Variants in RBM6 observed in about 807,000 individuals in gnomAD.
RBM6 encodes RNA-binding protein 6.
RBM6 carries 23 observed loss-of-function variants against 140.4 expected under a neutral mutation model. The ratio of observed to expected loss-of-function variants is 0.16; its 90% CI spans 0.12 to 0.23. The LOEUF is 0.23. Ranked by LOEUF, RBM6 falls within the 10% of genes least tolerant of loss-of-function variation. The pLI, the probability that RBM6 is intolerant of heterozygous loss-of-function variation, is 1.00. For synonymous variants in RBM6, 439 were observed against 475.6 expected, an observed-to-expected ratio of 0.92 and a Z score of 1.00; for missense variants, 1,139 against 1,386.7, an observed-to-expected ratio of 0.82 and a Z score of 2.84.
At chr3:49,965,744 G>A (rs909014103) in intron 2 of RBM6, among the ~76,000 whole-genome samples, 3 of 152,160 alleles carry the variant, frequency 2.0e-5, no homozygotes, top group Non-Finnish European at 2.9e-5. Flanking sequence ...AGTGTTAATG[G>A]GGGTCAGTGG....
chr3:49,954,107 G>A (rs80037828), intron 1 of RBM6, among the ~76,000 whole-genome samples: 11,901 of 151,138 alleles, frequency 0.079, 522 homozygotes, highest in African/African-American at 0.1. Context: ...CTGCACTCCC[G>A]CTTGGGTGAC....
In RBM6 at chr3:50,070,476, A is replaced by C; in HGVS notation, c.3040A>C (p.Asn1014His). 6.2e-7 allele frequency: 1 copy of C among 1,613,942 alleles called. No individual in the cohort carries two copies. Among genetic ancestry groups the C allele is most frequent in the South Asian group, 1.1e-5 (1 of 91,082 alleles). ...EREGKFKGRG[N>H]DRREKLQSFD... is the part of the protein sequence containing the mutation. The stretch of plus-strand genomic sequence containing the variant: ...ACAGGGAAAGTTTAAAGGAAGAGGA[A>C]ATGATCGCAGGGAAAAGCTCCAGTC... The change falls in exon 19 of 21, where the codon AAT becomes CAT. Residue 1014 changes from asparagine (N) to histidine (H), a missense_variant. Around this residue, in one of 9 missense-constraint regions of RBM6, gnomAD observed 125 missense variants for 142.0 expected, o/e 0.88. Transcript: ENST00000266022.
At position 50,014,473 on chromosome 3, in the gene RBM6, C is replaced by T. The variant is rs535807506; in HGVS notation, c.1557+14960C>T. ...AAAAAACAAACAAGTTGAGAGTTTT[C>T]AAAATAGATGTTACTTCATATTTCA... is the stretch of plus-strand genomic sequence containing the variant. On this transcript the variant is annotated intron_variant, in intron 6 of 20. Transcript: ENST00000266022. Among the ~76,000 whole-genome samples, 14 of 152,280 alleles carry T rather than the reference C, an allele frequency of 9.2e-5. 1 individual carries two copies. The East Asian group carries it at 2.7e-3, about 29-fold the overall frequency.
intron 7 of RBM6, among the ~76,000 whole-genome samples, chr3:50,053,027 GTGTGTGTGTT>G (rs2089540369): frequency 7.8e-6 from 1 of 128,680 alleles, no homozygotes; most frequent in Non-Finnish European, 1.7e-5. Context: ...GTGTGTGTGT[GTGTGTGTGTT>G]TATAATCTGT....
rs541347590 is a variant in RBM6 at position 50,008,751 on chromosome 3, A to G, written c.1557+9238A>G. Among the ~76,000 whole-genome samples, 8 of 152,116 alleles carry G rather than the reference A, an allele frequency of 5.3e-5. No homozygotes were observed. The South Asian group carries it at 1.5e-3, about 28-fold the overall frequency. ...ATTTTAGTAGAGATGGGGTTTCACC[A>G]TGTTGGCCAGGCTGGACTTGAACTC... On this transcript the variant is annotated intron_variant, in intron 6 of 20. Transcript: ENST00000266022.
At chr3:50,042,159 A>G (rs1020252134) in intron 6 of RBM6, among the ~76,000 whole-genome samples, 1 of 152,182 alleles carries the variant, frequency 6.6e-6, no homozygotes, top group African/African-American at 2.4e-5. Context: ...GCCACCAATA[A>G]CCTGATACTC....
At chr3:49,971,301 C>G (rs2084781680) in intron 3 of RBM6, among the ~76,000 whole-genome samples, 3 of 149,516 alleles carry the variant, frequency 2.0e-5, no homozygotes, top group Admixed American at 2.0e-4. Context: ...CAAAACCAGC[C>G]AGGTGTGGAG....
At chr3:50,054,311 A>G in intron 7 of RBM6, 24 bp from the exon 8 acceptor site, 11 of 1,587,118 alleles carry the variant, frequency 6.9e-6, no homozygotes, top group Non-Finnish European at 7.8e-6. Context: ...TTTTCAGTCA[A>G]ATTGATTTCC....
chr3:50,071,130 C>A (rs1321833941), intron 19 of RBM6, among the ~76,000 whole-genome samples: 3 of 152,146 alleles, frequency 2.0e-5, no homozygotes, highest in Non-Finnish European at 2.9e-5. Flanking sequence ...TCTCATAGGG[C>A]AGACACAGAA....
chr3:50,044,235 T>C (rs1225008780), intron 6 of RBM6, among the ~76,000 whole-genome samples: 1 of 152,142 alleles, frequency 6.6e-6, no homozygotes. Flanking sequence ...CTTTCATGAC[T>C]CCTTTGCTTG....
chr3:49,968,081 A>T lies in RBM6; in HGVS notation c.656A>T (p.Asp219Val), dbSNP rs775522671. 20 of 1,614,000 alleles carry T rather than the reference A, an allele frequency of 1.2e-5. No homozygotes were observed. In the South Asian group the frequency reaches 2.2e-4, roughly 18 times the overall value. ...EQSRSDFRNR[D>V]VSDLDFRDKD... is the part of the protein sequence containing the mutation. ...TCCCGTTCTGATTTTAGGAATAGAG[A>T]TGTATCTGATTTGGACTTTAGAGAC... The change falls in exon 3 of 21, where the codon GAT becomes GTT. Residue 219 changes from aspartate to valine, a missense_variant. This residue lies in a region of RBM6 where 566 missense variants were observed against 612.7 expected (regional missense o/e 0.92). Transcript: ENST00000266022.
intron 5 of RBM6, among the ~76,000 whole-genome samples, chr3:49,994,426 T>G (rs1192443426): frequency 6.6e-6 from 1 of 152,204 alleles, no homozygotes; most frequent in Non-Finnish European, 1.5e-5. Flanking sequence ...CCTCCTTTAT[T>G]CTGTTATTCC....
chr3:50,012,007 G>A (rs1033576815), intron 6 of RBM6, among the ~76,000 whole-genome samples: 2 of 151,192 alleles, frequency 1.3e-5, no homozygotes, highest in Non-Finnish European at 3.0e-5. Context: ...TGGAACCATC[G>A]TGCCCAGCTA....
chr3:50,016,058 AT>A (rs1240670545), intron 6 of RBM6, among the ~76,000 whole-genome samples: 1 of 152,202 alleles, frequency 6.6e-6, no homozygotes, highest in Non-Finnish European at 1.5e-5. Context: ...CTGAAACTTT[AT>A]ACTCTTTGAC....
intron 1 of RBM6, among the ~76,000 whole-genome samples, chr3:49,943,335 C>T (rs1406976139): frequency 6.6e-6 from 1 of 151,840 alleles, no homozygotes; most frequent in East Asian, 1.9e-4. Flanking sequence ...CAGGGTCTTG[C>T]TCTGTTGCCC....
At chr3:50,045,597 C>T (rs943417997) in intron 6 of RBM6, among the ~76,000 whole-genome samples, 1 of 152,144 alleles carries the variant, frequency 6.6e-6, no homozygotes, top group African/African-American at 2.4e-5. Flanking sequence ...TGTGTAGTGA[C>T]CATTCCGTAT....
At chr3:50,034,090 C>CTT (rs68118556) in intron 6 of RBM6, among the ~76,000 whole-genome samples, 38 of 116,202 alleles carry the variant, frequency 3.3e-4, no homozygotes, top group Non-Finnish European at 5.4e-4. Context: ...TCTATACTTC[C>CTT]TTTTTTTTTT....
intron 6 of RBM6, among the ~76,000 whole-genome samples, chr3:50,003,879 TC>T: frequency 6.6e-6 from 1 of 152,346 alleles, no homozygotes; most frequent in Non-Finnish European, 1.5e-5. Flanking sequence ...GCAGAGCCTT[TC>T]GTTCCACCCT....
intron 3 of RBM6, 77 bp downstream of exon 3, chr3:49,968,825 G>A (rs2084639973): frequency 1.4e-6 from 2 of 1,414,078 alleles, no homozygotes; most frequent in African/African-American, 3.3e-5. Flanking sequence ...CTGTTGCCCA[G>A]CCTGGAGTGC....
Sources: allele counts gnomAD v4.1 joint callset (sites outside exome capture counted in the v4.1 genomes callset), GRCh38; gene constraint gnomAD v4.1.1; regional missense constraint gnomAD v4.1.1; transcripts MANE v1.5; gene names NCBI Gene and HGNC (gene_info 2026-07-23, HGNC 2026-07-21).